The following BOD1L1 variants were observed in gnomAD, a reference collection of about 807,000 sequenced individuals.
BOD1L1 encodes biorientation of chromosomes in cell division 1 like 1, also known as biorientation of chromosomes in cell division protein 1-like 1.
A neutral mutation model predicts 240.7 loss-of-function variants in BOD1L1; 86 were observed. The observed-to-expected ratio is 0.36, with a 90% CI of 0.30 to 0.43. The LOEUF (loss-of-function observed/expected upper bound fraction) is 0.43. BOD1L1 is among the 20% of genes least tolerant of loss of function. The probability of loss-of-function intolerance (pLI) is 1.00; values close to 1 mark genes in which losing one functional copy is unlikely to be tolerated. For synonymous variants in BOD1L1, 1,268 were observed against 1,272.3 expected (o/e 1.00, Z 0.07); for missense variants, 3,554 against 3,643.5 (o/e 0.98, Z 0.63).
Position 13,579,982 on chromosome 4 carries a change from A to G in BOD1L1, c.8704-9T>C, listed in dbSNP as rs369940295. 16 of 1,549,854 alleles carry G rather than the reference A, an allele frequency of 1.0e-5. No homozygotes were observed. In the Middle Eastern group the frequency reaches 8.3e-4, roughly 81 times the overall value. On this transcript the variant is annotated splice_polypyrimidine_tract_variant and intron_variant, in intron 21 of 25. Transcript: ENST00000040738. ...GATGGAGATTGTTCTACCTATGTTT[A>G]AATAAACAAACAAAAAAAAATTTTA...
At chr4:13,623,264 A>T (rs1717160281) in intron 1 of BOD1L1, 1 of 152,206 alleles carries the variant, frequency 6.6e-6, no homozygotes, top group African/African-American at 2.4e-5. Flanking sequence ...TAAAAAAATG[A>T]CTGGTACATA....
chr4:13,572,709 A>G (rs1324128685), intron 25 of BOD1L1: 1 of 1,289,760 alleles, frequency 7.8e-7, no homozygotes, highest in South Asian at 1.2e-5. Flanking sequence ...TACCTTCCTA[A>G]TGGGGGAGAG....
In BOD1L1 at chr4:13,601,858, A is replaced by G; in HGVS notation, c.5042T>C (p.Ile1681Thr). 1.2e-6 allele frequency: 2 copies of G among 1,613,934 alleles called. No homozygotes were observed. The highest frequency in any genetic ancestry group is 1.7e-6 in the Non-Finnish European group (2 of 1,179,882). The change falls in exon 10 of 26, where the codon ATT becomes ACT. Residue 1681 changes from isoleucine to threonine, a missense_variant. Ile to Thr is a moderately conservative substitution (Grantham distance 89). Around this residue, in one of 2 missense-constraint regions of BOD1L1, gnomAD observed 3,393 missense variants for 3,427.1 expected, o/e 0.99. Transcript: ENST00000040738. Reference sequence around the variant, plus strand: ...TGCTCCATCACTTTCAACTTCACTAATAAAAGTAATAGTTCCTTCAACTAT... The same window carrying G: ...TGCTCCATCACTTTCAACTTCACTAGTAAAAGTAATAGTTCCTTCAACTAT... The part of the protein sequence containing the change: ...SEIVEGTITF[I>T]SEVESDGAVT...
chr4:13,584,283 T>C (rs1223019542), intron 17 of BOD1L1, among the ~76,000 whole-genome samples: 2 of 152,150 alleles, frequency 1.3e-5, no homozygotes, highest in African/African-American at 4.8e-5. Context: ...ACATCAACAC[T>C]GAGGCTTCAC....
Position 13,602,812 on chromosome 4 carries a change from T to C in BOD1L1, c.4088A>G (p.Lys1363Arg). The change falls in exon 10 of 26, where the codon AAA (lysine) becomes AGA (arginine). Residue 1363 changes from lysine (K) to arginine (R), a missense_variant. Physicochemically the swap from Lys to Arg is conservative, Grantham distance 26. Transcript: ENST00000040738. ...CTGGTGAGCTTCTGGAATGTGTCTT[T>C]TGCTAGTGATGCTTGCTTTTGCTGG... The part of the protein sequence containing the change: ...DTPAKASITS[K>R]RHIPEAHQAT... 1 of 1,614,028 alleles carries C rather than the reference T, an allele frequency of 6.2e-7. No homozygotes were observed. The highest frequency in any genetic ancestry group is 2.2e-5 in the East Asian group (1 of 44,876).
In BOD1L1 at chr4:13,614,368, T is replaced by C. The variant is rs1476509476; in HGVS notation, c.1002A>G (p.Arg334=). The C allele has an allele frequency of 2.6e-6, 4 of 1,553,792 alleles. No individual in the cohort carries two copies. In the Middle Eastern group the frequency reaches 6.7e-4, roughly 259 times the overall value. Residue 334 remains arginine (R), a synonymous_variant, in exon 4 of 26, where the codon AGA becomes AGG. Coordinates refer to ENST00000040738, the MANE Select transcript of BOD1L1 (RefSeq NM_148894.3). ...CAGTCTTTTCCTTCTTTTCTTTCTT[T>C]CTTTCTCCTTTCTCATTGCTGTCTG... is the stretch of plus-strand genomic sequence containing the variant. ...KKPDSNEKGE[R]KKEKKEKTEK...
chr4:13,570,179 A>G (rs534530395), intron 25 of BOD1L1, 51 bp from the exon 26 acceptor site: 29 of 1,334,454 alleles, frequency 2.2e-5, no homozygotes, highest in Non-Finnish European at 8.0e-6. Context: ...CAGCTGCTTC[A>G]AATAACTTGG....
intron 18 of BOD1L1, 60 bp downstream of exon 18, chr4:13,582,590 TGA>T (rs1491396174): frequency 5.5e-6 from 7 of 1,278,614 alleles, no homozygotes; most frequent in Middle Eastern, 1.9e-4. Flanking sequence ...ACGTTTCGGT[TGA>T]GAGACACGCT....
At chr4:13,592,006 T>C in intron 12 of BOD1L1, 40 bp from the exon 13 acceptor site, 4 of 1,454,082 alleles carry the variant, frequency 2.8e-6, no homozygotes, top group Non-Finnish European at 3.7e-6. Flanking sequence ...AAACTGAATA[T>C]TGTTTCTGAA....
In BOD1L1 at chr4:13,595,887, G is replaced by C; in HGVS notation, c.8077C>G (p.Leu2693Val). 6.2e-7 allele frequency: 1 copy of C among 1,613,684 alleles called. No homozygotes were observed. Among genetic ancestry groups the C allele is most frequent in the Non-Finnish European group, 8.5e-7 (1 of 1,179,842 alleles). ...ATTCCACTTGGCTTTCCCCCACACA[G>C]ACTTTCTGGTGGTGCCAGAATTTCA... The part of the protein sequence containing the change: ...NGEILAPPES[L>V]CGGKPSGIAE... The change falls in exon 12 of 26, where the codon CTG becomes GTG. Residue 2693 changes from leucine (L) to valine (V), a missense_variant. By Grantham distance (32) the Leu-to-Val change is conservative. This residue lies in a region of BOD1L1 where 3,393 missense variants were observed against 3,427.1 expected (regional missense o/e 0.99). Coordinates refer to ENST00000040738, the MANE Select transcript of BOD1L1 (RefSeq NM_148894.3).
chr4:13,572,817 G>A (rs752149708), intron 25 of BOD1L1: 48 of 1,289,630 alleles, frequency 3.7e-5, no homozygotes, highest in Admixed American at 1.1e-4. Context: ...GATGTTGCAC[G>A]TGCAGATGGC....
chr4:13,608,870 T>C (rs1715939058), intron 7 of BOD1L1, among the ~76,000 whole-genome samples: 1 of 152,220 alleles, frequency 6.6e-6, no homozygotes, highest in African/African-American at 2.4e-5. Context: ...TGTGTGTATG[T>C]GTGATTTCAT....
chr4:13,586,806 T>C (rs1267599610), intron 16 of BOD1L1, among the ~76,000 whole-genome samples: 1 of 152,206 alleles, frequency 6.6e-6, no homozygotes, highest in African/African-American at 2.4e-5. Flanking sequence ...TATAGCTTAG[T>C]AATTGAGACC....
Position 13,603,871 on chromosome 4 carries a change from G to A in BOD1L1, c.3029C>T (p.Thr1010Ile). 1 of 1,613,576 alleles carries A rather than the reference G, an allele frequency of 6.2e-7. No homozygotes were observed. The highest frequency in any genetic ancestry group is 8.5e-7 in the Non-Finnish European group (1 of 1,179,882). Residue 1010 changes from threonine to isoleucine, a missense_variant, in exon 10 of 26, where the codon ACC (threonine) becomes ATC (isoleucine). Thr to Ile is a moderately conservative substitution (Grantham distance 89). Transcript: ENST00000040738. ...KYKSDKDSTS[T>I]RLERKLSDGH... ...ATCTGACAACTTTCTCTCAAGCCTG[G>A]TGGAAGTGGAGTCTTTATCACTCTT...
intron 22 of BOD1L1, among the ~76,000 whole-genome samples, chr4:13,578,908 A>G (rs12506352): frequency 0.14 from 20,726 of 152,210 alleles, 1,695 homozygotes; most frequent in East Asian, 0.39. Context: ...GGGTGCATAC[A>G]TACATTCTTT....
chr4:13,617,243 A>C lies in BOD1L1; in HGVS notation c.369-1741T>G, dbSNP rs1716685235. On this transcript the variant is annotated intron_variant, in intron 2 of 25. Coordinates refer to ENST00000040738, the MANE Select transcript of BOD1L1 (RefSeq NM_148894.3). ...CTGGCGACAGAGCGAACTCCGTCTC[A>C]AAAAAAAAAAAAAAAATAGAAAATA... Among the ~76,000 whole-genome samples the C allele has an allele frequency of 1.9e-4, 3 of 15,778 alleles. No individual in the cohort carries two copies. In the Admixed American group the frequency reaches 6.2e-3, roughly 33 times the overall value. 10.4% of individuals were successfully genotyped at this position (15,778 alleles called of 152,430 possible). A position where few individuals can be genotyped will look rare whatever the true frequency, so the allele number is the denominator to read the frequency against.
chr4:13,583,207 C>T (rs1381933519), intron 17 of BOD1L1, among the ~76,000 whole-genome samples: 1 of 151,272 alleles, frequency 6.6e-6, no homozygotes, highest in Admixed American at 6.6e-5. Flanking sequence ...ATTAAATTAT[C>T]CCCCCATAGT....
chr4:13,613,441 TATAGCCATCAGAATATACAA>T lies in BOD1L1; in HGVS notation c.1324+51_1324+70del. On this transcript the variant is annotated intron_variant, in intron 5 of 25. Transcript: ENST00000040738. The surrounding 1 kb of genome is among the most constrained non-coding windows in gnomAD (Gnocchi z 4.0). ...TACTATACCACACTGTTTCTCAGGA[TATAGCCATCAGAATATACAA>T]ATAATGCTTGACAGGATGCTTCAGA... The T allele has an allele frequency of 7.2e-7, 1 of 1,386,364 alleles. No homozygotes were observed. The highest frequency in any genetic ancestry group is 1.9e-5 in the Admixed American group (1 of 53,168). 85.9% of individuals were successfully genotyped at this position (1,386,364 alleles called of 1,614,324 possible). A position where few individuals can be genotyped will look rare whatever the true frequency, so the allele number is the denominator to read the frequency against.
intron 5 of BOD1L1, 80 bp from the exon 6 acceptor site, chr4:13,611,180 C>T: frequency 1.9e-6 from 2 of 1,029,548 alleles, no homozygotes; most frequent in Non-Finnish European, 2.7e-6. Flanking sequence ...GCAGTAAAGG[C>T]AAGATGAATT....
Sources: gnomAD v4.1 joint callset for allele counts (sites outside exome capture counted in the v4.1 genomes callset) on GRCh38, gnomAD v4.1.1 for gene constraint, gnomAD v4.1.1 regional missense constraint, Gnocchi (gnomAD v3.1) non-coding constraint, MANE v1.5 for transcripts, NCBI Gene and HGNC (gene_info 2026-07-23, HGNC 2026-07-21) for gene names.